The following DLG1 variants were observed in gnomAD, a reference collection of about 807,000 sequenced individuals.
DLG1 encodes the protein disks large homolog 1.
A neutral mutation model predicts 123.4 loss-of-function variants in DLG1; 42 were observed. The ratio of observed to expected loss-of-function variants is 0.34; its 90% CI spans 0.27 to 0.44. The LOEUF is 0.44. Among genes scored for constraint, DLG1 ranks in the 20% least tolerant of loss-of-function variants. The probability of loss-of-function intolerance (pLI) is 1.00; values close to 1 mark genes in which losing one functional copy is unlikely to be tolerated. For synonymous variants in DLG1, 317 were observed against 356.2 expected (o/e 0.89, Z 1.24); for missense variants, 942 against 1,082.6 (o/e 0.87, Z 1.82).
intron 10 of DLG1, 34 bp from the exon 11 acceptor site, chr3:197,130,705 T>C (rs1191418668): frequency 2.0e-6 from 3 of 1,494,042 alleles, no homozygotes; most frequent in African/African-American, 1.4e-5. Context: ...TTATGACATA[T>C]TCACTTGTTC....
At chr3:197,260,591 C>T (rs1259154602) in intron 4 of DLG1, 3 of 153,346 alleles carry the variant, frequency 2.0e-5, no homozygotes, top group Non-Finnish European at 2.9e-5. Context: ...CACAAGAGTC[C>T]ACTGCTTCTT....
chr3:197,166,915 A>G (rs1481811515), intron 5 of DLG1, among the ~76,000 whole-genome samples: 1 of 151,966 alleles, frequency 6.6e-6, no homozygotes, highest in Non-Finnish European at 1.5e-5. Flanking sequence ...ACCACAACAC[A>G]AAACCAAACA....
rs979417791 is a variant in DLG1 at position 197,297,450 on chromosome 3, G to A, written c.-31-215C>T. ...CCCTCCAAATTAAGAACAGACAGAAGTCGGCTTCCAAACTCTCCTCGAAAG... is the reference window on the plus strand; with the variant it reads ...CCCTCCAAATTAAGAACAGACAGAAATCGGCTTCCAAACTCTCCTCGAAAG... On this transcript the variant is annotated intron_variant, in intron 1 of 24. Coordinates refer to ENST00000667157, the MANE Select transcript of DLG1 (RefSeq NM_001366207.1). 7 of 1,375,332 alleles carry A rather than the reference G, an allele frequency of 5.1e-6. No homozygotes were observed. The African/African-American group carries it at 5.9e-5, about 12-fold the overall frequency. 85.2% of individuals were successfully genotyped at this position (1,375,332 alleles called of 1,614,324 possible).
At chr3:197,173,394 T>C (rs1021316885) in intron 5 of DLG1, among the ~76,000 whole-genome samples, 1 of 152,172 alleles carries the variant, frequency 6.6e-6, no homozygotes, top group Non-Finnish European at 1.5e-5. Flanking sequence ...TTGAAAAAGA[T>C]AACACTTTCA....
chr3:197,110,511 A>ACTAT (rs1579401984), intron 13 of DLG1, among the ~76,000 whole-genome samples: 4 of 152,176 alleles, frequency 2.6e-5, no homozygotes, highest in Admixed American at 2.6e-4. Context: ...TTCCCTAGGA[A>ACTAT]CGATATCCAT....
At chr3:197,075,016 T>C (rs901637052) in intron 18 of DLG1, among the ~76,000 whole-genome samples, 2 of 152,038 alleles carry the variant, frequency 1.3e-5, no homozygotes, top group Non-Finnish European at 2.9e-5. Context: ...ATTACTTCTA[T>C]CACTCACTGT....
At chr3:197,065,515 T>C (rs1013761410) in intron 21 of DLG1, 67 bp from the exon 22 acceptor site, 1 of 1,364,456 alleles carries the variant, frequency 7.3e-7, no homozygotes, top group Admixed American at 2.3e-5. Flanking sequence ...ATCCATTTTC[T>C]ACTTACATCG....
At chr3:197,078,757 T>A (rs1471335476) in intron 17 of DLG1, among the ~76,000 whole-genome samples, 1 of 152,246 alleles carries the variant, frequency 6.6e-6, no homozygotes, top group African/African-American at 2.4e-5. Flanking sequence ...TTTTCGTTCA[T>A]AAGAATCAAT....
intron 5 of DLG1, among the ~76,000 whole-genome samples, chr3:197,163,553 C>G (rs565153183): frequency 6.0e-5 from 9 of 149,820 alleles, no homozygotes; most frequent in Non-Finnish European, 1.2e-4. Context: ...GATGGAGTCT[C>G]GCTCTGTTGC....
chr3:197,274,826 C>A (rs552991257), intron 4 of DLG1, among the ~76,000 whole-genome samples: 96 of 152,080 alleles, frequency 6.3e-4, no homozygotes, highest in Non-Finnish European at 1.2e-3. Context: ...AGAAGACATA[C>A]AAATGGTTAA....
At chr3:197,236,401 A>G (rs1745985389) in intron 4 of DLG1, among the ~76,000 whole-genome samples, 1 of 152,200 alleles carries the variant, frequency 6.6e-6, no homozygotes, top group African/African-American at 2.4e-5. Context: ...GCATTTCAAG[A>G]AATGTTAAAG....
At chr3:197,135,595 T>C (rs1784693848) in intron 10 of DLG1, among the ~76,000 whole-genome samples, 1 of 152,124 alleles carries the variant, frequency 6.6e-6, no homozygotes, top group Non-Finnish European at 1.5e-5. Context: ...TGATGAAGAC[T>C]GGACAAATAA....
chr3:197,160,394 A>T (rs1798330179), intron 5 of DLG1, among the ~76,000 whole-genome samples: 1 of 151,860 alleles, frequency 6.6e-6, no homozygotes, highest in Non-Finnish European at 1.5e-5. Flanking sequence ...TGTACTAATA[A>T]ACTCTATATA....
At chr3:197,245,899 T>TGGGGG (rs1554044922) in intron 4 of DLG1, among the ~76,000 whole-genome samples, 10 of 93,538 alleles carry the variant, frequency 1.1e-4, no homozygotes, top group East Asian at 8.0e-4. Context: ...TTTTTTTTTT[T>TGGGGG]TGGGGGGGGG....
At chr3:197,066,950 AAAAC>A (rs1740032933) in intron 19 of DLG1, among the ~76,000 whole-genome samples, 196 bp from the exon 20 acceptor site, 2 of 152,170 alleles carry the variant, frequency 1.3e-5, no homozygotes, top group African/African-American at 4.8e-5. Context: ...TGCTAAATGT[AAAAC>A]AAAATACAAA....
intron 3 of DLG1, among the ~76,000 whole-genome samples, chr3:197,287,958 G>C (rs1386588519): frequency 6.6e-6 from 1 of 152,112 alleles, no homozygotes; most frequent in African/African-American, 2.4e-5. Context: ...CTAGGAGTTT[G>C]TCCTAAGAAT....
intron 15 of DLG1, among the ~76,000 whole-genome samples, chr3:197,086,813 T>G (rs932669707): frequency 1.3e-5 from 2 of 152,098 alleles, no homozygotes; most frequent in Non-Finnish European, 2.9e-5. Context: ...GAAAATAAAG[T>G]ACCTTAAGAG....
intron 5 of DLG1, among the ~76,000 whole-genome samples, chr3:197,171,016 G>GGTT (rs1271741001): frequency 6.6e-6 from 1 of 152,034 alleles, no homozygotes; most frequent in Non-Finnish European, 1.5e-5. Context: ...TGTCACTGTG[G>GGTT]GTTAGTAAGG....
intron 4 of DLG1, among the ~76,000 whole-genome samples, chr3:197,197,511 T>C (rs1240397887): frequency 6.6e-6 from 1 of 152,228 alleles, no homozygotes; most frequent in Admixed American, 6.5e-5. Context: ...CCTTATTTAC[T>C]AGTTTTCAAG....
Sources: allele counts gnomAD v4.1 joint callset (sites outside exome capture counted in the v4.1 genomes callset), GRCh38; gene constraint gnomAD v4.1.1; transcripts MANE v1.5; gene names NCBI Gene and HGNC (gene_info 2026-07-23, HGNC 2026-07-21).